The following DLGAP2 variants were observed in gnomAD, a reference collection of about 807,000 sequenced individuals.
DLGAP2 encodes DLG associated protein 2, also known as disks large-associated protein 2.
Under a neutral mutation model 100.3 loss-of-function variants are expected in DLGAP2, and 26 were observed. The ratio of observed to expected loss-of-function variants is 0.26; its 90% CI spans 0.19 to 0.36. The LOEUF (loss-of-function observed/expected upper bound fraction) is 0.36. DLGAP2 is among the 10% of genes least tolerant of loss of function. DLGAP2 has a pLI of 1.00. For synonymous variants in DLGAP2, 886 were observed against 630.1 expected, an observed-to-expected ratio of 1.41 and a Z score of -6.08; for missense variants, 1,858 against 1,453.2, an observed-to-expected ratio of 1.28 and a Z score of -4.53.
intron 1 of DLGAP2, among the ~76,000 whole-genome samples, chr8:807,581 G>A (rs1585885497): frequency 9.4e-6 from 1 of 106,156 alleles, no homozygotes; most frequent in Non-Finnish European, 1.9e-5. Flanking sequence ...TCATTCATAT[G>A]TTCTCTCTCC....
intron 2 of DLGAP2, among the ~76,000 whole-genome samples, chr8:1,202,417 C>G (rs906270654): frequency 2.0e-5 from 3 of 152,142 alleles, no homozygotes; most frequent in East Asian, 3.9e-4. Flanking sequence ...TGTGTGAGCC[C>G]TCAGGACTGT....
chr8:1,127,779 T>G (rs1796201951), intron 2 of DLGAP2, among the ~76,000 whole-genome samples: 1 of 152,196 alleles, frequency 6.6e-6, no homozygotes, highest in South Asian at 2.1e-4. Context: ...CCCGTTCTGT[T>G]GTAACTGGAT....
In DLGAP2 at chr8:922,094, C is replaced by T. The variant is rs530563150; in HGVS notation, c.73+14128C>T. On this transcript the variant is annotated intron_variant, in intron 2 of 14. Transcript: ENST00000637795. ...GGCGCCACTTTCCTGGGAGAAACGGCTCCTTGTTTCTTGCAGCAAATGACG... is the reference window on the plus strand; with the variant it reads ...GGCGCCACTTTCCTGGGAGAAACGGTTCCTTGTTTCTTGCAGCAAATGACG... 8.5e-5 allele frequency among the ~76,000 whole-genome samples: 13 copies of T among 152,340 alleles called. No individual in the cohort carries two copies. The South Asian group carries it at 1.7e-3, about 19-fold the overall frequency.
intron 11 of DLGAP2, among the ~76,000 whole-genome samples, chr8:1,677,548 G>C (rs148529759): frequency 6.6e-6 from 1 of 152,096 alleles, no homozygotes; most frequent in African/African-American, 2.4e-5. Flanking sequence ...ACAGGCACAC[G>C]ATACAGAGCA....
At chr8:1,618,976 A>C (rs1013161143) in intron 6 of DLGAP2, among the ~76,000 whole-genome samples, 37 of 152,208 alleles carry the variant, frequency 2.4e-4, no homozygotes, top group Admixed American at 1.6e-3. Flanking sequence ...GAACTACTCA[A>C]ATAGACAAAA....
chr8:1,536,506 G>A (rs564276755), intron 4 of DLGAP2, among the ~76,000 whole-genome samples: 12 of 152,096 alleles, frequency 7.9e-5, no homozygotes, highest in Middle Eastern at 3.4e-3. Context: ...TTTTCCATTC[G>A]GTAAACCAGA....
chr8:1,110,482 G>A (rs1804918511), intron 2 of DLGAP2, among the ~76,000 whole-genome samples: 3 of 149,408 alleles, frequency 2.0e-5, no homozygotes, highest in Admixed American at 1.3e-4. Flanking sequence ...TGTGACATGT[G>A]CTCGGTCTGT....
intron 3 of DLGAP2, among the ~76,000 whole-genome samples, chr8:1,423,177 A>G (rs542196535): frequency 1.6e-4 from 25 of 152,320 alleles, no homozygotes; most frequent in African/African-American, 5.8e-4. Context: ...AGTTAATATA[A>G]TATAGTTTTG....
chr8:1,548,916 C>G lies in DLGAP2; in HGVS notation c.463C>G (p.His155Asp). 2 of 1,598,058 alleles carry G rather than the reference C, an allele frequency of 1.3e-6. No individual in the cohort carries two copies. The highest frequency in any genetic ancestry group is 1.1e-5 in the South Asian group (1 of 90,924). ...GATGATGCCGGTGGTGCTGGGCGAC[C>G]ACGTGTCCAGCAGCACCTTCCCGCG... ...CVMMPVVLGD[H>D]VSSSTFPRMH... The change falls in exon 5 of 15, where the codon CAC becomes GAC. Residue 155 changes from histidine (H) to aspartate (D), a missense_variant. Transcript: ENST00000637795.
intron 1 of DLGAP2, among the ~76,000 whole-genome samples, chr8:796,670 C>G (rs1796042934): frequency 6.6e-6 from 1 of 152,196 alleles, no homozygotes; most frequent in Non-Finnish European, 1.5e-5. Flanking sequence ...GCCTGCTGTG[C>G]TGCTTCCCTA....
At chr8:1,445,954 T>C (rs1036630898) in intron 3 of DLGAP2, among the ~76,000 whole-genome samples, 1 of 152,218 alleles carries the variant, frequency 6.6e-6, no homozygotes, top group African/African-American at 2.4e-5. Context: ...TTTTTTCTTG[T>C]AAATTTGTTT....
At chr8:1,570,462 C>T (rs1185216466) in intron 6 of DLGAP2, among the ~76,000 whole-genome samples, 5 of 152,258 alleles carry the variant, frequency 3.3e-5, no homozygotes, top group Admixed American at 3.3e-4. Context: ...CAAACATGTT[C>T]TCCTAATCCA....
intron 3 of DLGAP2, among the ~76,000 whole-genome samples, chr8:1,337,760 C>G (rs546606560): frequency 1.3e-5 from 2 of 152,174 alleles, no homozygotes; most frequent in Non-Finnish European, 2.9e-5. Flanking sequence ...AAAATACAAC[C>G]GATAAAATGG....
At chr8:761,323 G>C (rs988618598) in intron 1 of DLGAP2, among the ~76,000 whole-genome samples, 30 of 152,294 alleles carry the variant, frequency 2.0e-4, no homozygotes, top group African/African-American at 7.2e-4. Context: ...CTCACTGGGG[G>C]TTTGAAGGAA....
rs368159639 is a variant in DLGAP2, at chr8:1,261,646, C to T, written c.106+2763C>T. 4.6e-4 allele frequency among the ~76,000 whole-genome samples: 70 copies of T among 152,260 alleles called. 3 individuals carry two copies. In the East Asian group the frequency reaches 8.3e-3, roughly 18 times the overall value. On this transcript the variant is annotated intron_variant, in intron 3 of 14. Transcript: ENST00000637795. ...GGGCTGCGGTTCTCTGAAGCCACCC[C>T]GTGTTTCAGATGTACGAGTGCAGTT...
intron 1 of DLGAP2, among the ~76,000 whole-genome samples, chr8:871,039 C>G (rs1325069754): frequency 6.6e-6 from 1 of 152,218 alleles, no homozygotes; most frequent in Non-Finnish European, 1.5e-5. Flanking sequence ...CAGTGGTCCC[C>G]TTAACCTTCC....
intron 2 of DLGAP2, among the ~76,000 whole-genome samples, chr8:1,021,758 C>T (rs1006677504): frequency 2.6e-5 from 4 of 152,178 alleles, no homozygotes; most frequent in Admixed American, 1.3e-4. Flanking sequence ...CTGCCCATCT[C>T]CCTGTGGGAC....
intron 2 of DLGAP2, among the ~76,000 whole-genome samples, chr8:1,189,321 A>G (rs1239626275): frequency 1.3e-5 from 2 of 152,248 alleles, no homozygotes; most frequent in Non-Finnish European, 2.9e-5. Flanking sequence ...GAGACCCAGG[A>G]GCCCATCGTA....
At chr8:1,388,035 C>T (rs1796258439) in intron 3 of DLGAP2, among the ~76,000 whole-genome samples, 1 of 152,246 alleles carries the variant, frequency 6.6e-6, no homozygotes, top group African/African-American at 2.4e-5. Flanking sequence ...GACGTGGATG[C>T]AGCCAGTGCG....
Sources: allele counts gnomAD v4.1 joint callset (sites outside exome capture counted in the v4.1 genomes callset), GRCh38; gene constraint gnomAD v4.1.1; transcripts MANE v1.5; gene names NCBI Gene and HGNC (gene_info 2026-07-23, HGNC 2026-07-21).